LIPH: variants seen among roughly 807,000 people sequenced by gnomAD.
LIPH encodes lipase H.
A neutral mutation model predicts 47.6 loss-of-function variants in LIPH; 32 were observed. The ratio of observed to expected loss-of-function variants is 0.67; its 90% CI spans 0.51 to 0.90. The LOEUF is 0.90. Ranked by LOEUF, LIPH falls within the 40% of genes least tolerant of loss-of-function variation. The pLI is 0.00. For synonymous variants in LIPH, 190 were observed against 195.6 expected, an observed-to-expected ratio of 0.97 and a Z score of 0.24; for missense variants, 497 against 541.4, an observed-to-expected ratio of 0.92 and a Z score of 0.81.
intron 2 of LIPH, among the ~76,000 whole-genome samples, chr3:185,534,145 CAGG>C (rs1265665821): frequency 6.6e-6 from 1 of 152,124 alleles, no homozygotes; most frequent in Non-Finnish European, 1.5e-5. Flanking sequence ...ATCACGAGGT[CAGG>C]AGATCAAGAC....
intron 1 of LIPH, among the ~76,000 whole-genome samples, chr3:185,538,394 T>C (rs933822706): frequency 2.0e-5 from 3 of 152,176 alleles, no homozygotes; most frequent in Non-Finnish European, 4.4e-5. Context: ...ATGTGTCATA[T>C]AAAAGAGATA....
intron 9 of LIPH, among the ~76,000 whole-genome samples, chr3:185,510,019 T>C (rs915941052): frequency 2.0e-5 from 3 of 150,110 alleles, no homozygotes; most frequent in African/African-American, 7.4e-5. Flanking sequence ...CGATCTCGGC[T>C]CACCACAACT....
Position 185,514,861 on chromosome 3 carries a change from T to C in LIPH, c.983-340A>G, listed in dbSNP as rs59990700. 0.43 allele frequency among the ~76,000 whole-genome samples: 65,145 copies of C among 151,886 alleles called. 14,154 individuals are homozygous for C. The highest frequency in any genetic ancestry group is 0.47 in the Middle Eastern group (138 of 292). ...TTAGACTCAACCAACTAAGGGGCCATTCGGAGACCCTCCAGGGCTGAGACG... is the reference window on the plus strand; with the variant it reads ...TTAGACTCAACCAACTAAGGGGCCACTCGGAGACCCTCCAGGGCTGAGACG... On this transcript the variant is annotated intron_variant, in intron 7 of 9. Transcript: ENST00000296252.
chr3:185,527,144 C>T (rs146096214), intron 4 of LIPH, among the ~76,000 whole-genome samples: 1,928 of 152,140 alleles, frequency 0.013, 16 homozygotes, highest in East Asian at 0.039. Flanking sequence ...GAGGCTGAGG[C>T]GGGAGGATGG....
chr3:185,516,000 G>C (rs1164157339), intron 7 of LIPH, among the ~76,000 whole-genome samples: 1 of 152,148 alleles, frequency 6.6e-6, no homozygotes, highest in Non-Finnish European at 1.5e-5. Context: ...TGGGCATGGT[G>C]GCGCATGCCC....
chr3:185,537,813 T>G (rs1238170110), intron 1 of LIPH, among the ~76,000 whole-genome samples: 2 of 152,168 alleles, frequency 1.3e-5, no homozygotes, highest in Non-Finnish European at 2.9e-5. Flanking sequence ...TGTCTGGTTT[T>G]GTGTTTTGTT....
chr3:185,532,437 G>C (rs918687069), intron 3 of LIPH, among the ~76,000 whole-genome samples: 83 of 151,406 alleles, frequency 5.5e-4, no homozygotes, highest in Admixed American at 2.0e-3. Flanking sequence ...TTGTGCCTGG[G>C]GGGGCGTTGA....
chr3:185,511,587 A>G lies in LIPH; in HGVS notation c.1205T>C (p.Ile402Thr). 4 of 1,614,140 alleles carry G rather than the reference A, an allele frequency of 2.5e-6. No homozygotes were observed. Among genetic ancestry groups the G allele is most frequent in the Non-Finnish European group, 3.4e-6 (4 of 1,179,968 alleles). The change falls in exon 9 of 10, where the codon ATA becomes ACA. Residue 402 changes from isoleucine to threonine, a missense_variant. Physicochemically the swap from Ile to Thr is moderately conservative, Grantham distance 89 (BLOSUM62 -1). Transcript: ENST00000296252. Reference sequence around the variant, plus strand: ...AATCCTGAGCTTGTACCTTGGGCCTATTAGAGATCCTGTAGAGAACATCAA... The same window carrying G: ...AATCCTGAGCTTGTACCTTGGGCCTGTTAGAGATCCTGTAGAGAACATCAA... Reference protein sequence around the residue: ...ISLMFSTGSLIGPRYKLRILR... With the variant: ...ISLMFSTGSLTGPRYKLRILR...
chr3:185,535,597 T>TTTTTTG (rs1331506384), intron 1 of LIPH, among the ~76,000 whole-genome samples: 2 of 150,444 alleles, frequency 1.3e-5, no homozygotes, highest in East Asian at 2.0e-4. Flanking sequence ...TCATATTTGT[T>TTTTTTG]TTTTTGTTTT....
rs35994579 is a variant in LIPH, at chr3:185,528,222, A to AAG, written c.527-639_527-638dup. 4.2e-3 allele frequency among the ~76,000 whole-genome samples: 597 copies of AAG among 140,648 alleles called. 2 individuals are homozygous for AAG. Among genetic ancestry groups the AAG allele is most frequent in the African/African-American group, 0.011 (428 of 37,584 alleles). 92.3% of individuals were successfully genotyped at this position (140,648 alleles called of 152,430 possible). On this transcript the variant is annotated intron_variant, in intron 3 of 9. Transcript: ENST00000296252. ...AGCAAGGCTCTGTCTCGAAGAAAGA[A>AAG]AGAGAGAGAGAGAGAGAGAGAGAGA... is the stretch of plus-strand genomic sequence containing the variant.
chr3:185,523,724 T>A (rs1042007196), intron 5 of LIPH, among the ~76,000 whole-genome samples: 5 of 149,334 alleles, frequency 3.3e-5, no homozygotes, highest in South Asian at 2.1e-4. Flanking sequence ...GCCTTTTTTT[T>A]AATTTTTATT....
chr3:185,513,053 GT>G (rs1292965971), intron 8 of LIPH, among the ~76,000 whole-genome samples: 1 of 152,100 alleles, frequency 6.6e-6, no homozygotes, highest in Non-Finnish European at 1.5e-5. Context: ...GTTTTAAACA[GT>G]GATGGAAGCC....
At chr3:185,514,950 T>C (rs1469938134) in intron 7 of LIPH, among the ~76,000 whole-genome samples, 1 of 152,160 alleles carries the variant, frequency 6.6e-6, no homozygotes, top group Non-Finnish European at 1.5e-5. Context: ...CTCCCAATCA[T>C]GCTCCACCAC....
rs1719563838 is a variant in LIPH, at chr3:185,511,538, A to G, written c.1254T>C (p.Leu418=). 1 of 1,614,140 alleles carries G rather than the reference A, an allele frequency of 6.2e-7. No individual in the cohort carries two copies. The highest frequency in any genetic ancestry group is 1.7e-5 in the Admixed American group (1 of 60,006). ...LRILRMKLRS[L]AHPERPQLCR... ...CCTCAGCTCACCTCTCCGGATGGGC[A>G]AGGGACCTTAACTTCATTCGGAGAA... The change falls in exon 9 of 10, where the codon CTT becomes CTC. Residue 418 remains leucine (L), a synonymous_variant. Transcript: ENST00000296252.
rs748272409 is a variant in LIPH, at chr3:185,524,167, G to A, written c.629-7C>T. 5.1e-6 allele frequency: 8 copies of A among 1,562,486 alleles called. No individual in the cohort carries two copies. The Admixed American group carries it at 1.3e-4, about 26-fold the overall frequency. On this transcript the variant is annotated splice_polypyrimidine_tract_variant and splice_region_variant and intron_variant, in intron 4 of 9. Coordinates refer to ENST00000296252, the MANE Select transcript of LIPH (RefSeq NM_139248.3). ...GGCTCCTTGTAGCCCAGTGCTAAAA[G>A]AGAACACATTCTGCTTTTATACTCC...
chr3:185,509,627 C>T (rs952574773), intron 9 of LIPH, among the ~76,000 whole-genome samples: 16 of 151,522 alleles, frequency 1.1e-4, no homozygotes, highest in Admixed American at 5.9e-4. Context: ...AGCGAGACTC[C>T]GTACCAAAAA....
chr3:185,540,935 C>T (rs1316823876), intron 1 of LIPH, among the ~76,000 whole-genome samples: 1 of 152,142 alleles, frequency 6.6e-6, no homozygotes, highest in African/African-American at 2.4e-5. Flanking sequence ...CGACTTCTGC[C>T]ATGTGTTCTG....
intron 5 of LIPH, among the ~76,000 whole-genome samples, chr3:185,523,087 G>T (rs1180235637): frequency 6.6e-6 from 1 of 151,958 alleles, no homozygotes; most frequent in Non-Finnish European, 1.5e-5. Context: ...TTTGTAAGCT[G>T]GCCATTTAAA....
At chr3:185,526,462 A>C (rs1389649785) in intron 4 of LIPH, among the ~76,000 whole-genome samples, 1 of 151,578 alleles carries the variant, frequency 6.6e-6, no homozygotes, top group African/African-American at 2.4e-5. Flanking sequence ...CAGATGTTGC[A>C]GCAAGCCAAG....
Sources: gnomAD v4.1 joint callset for allele counts (sites outside exome capture counted in the v4.1 genomes callset) on GRCh38, gnomAD v4.1.1 for gene constraint, MANE v1.5 for transcripts, NCBI Gene and HGNC (gene_info 2026-07-23, HGNC 2026-07-21) for gene names.